CCDC91: variants seen among roughly 807,000 people sequenced by gnomAD.
The protein encoded by CCDC91 is coiled-coil domain containing 91, also known as coiled-coil domain-containing protein 91.
Under a neutral mutation model 63.2 loss-of-function variants are expected in CCDC91, and 48 were observed. The observed-to-expected ratio is 0.76, with a 90% confidence interval of 0.60 to 0.97. CCDC91 has a LOEUF of 0.97. CCDC91 is among the 50% of genes least tolerant of loss of function. CCDC91 has a pLI of 0.00. For synonymous variants in CCDC91, 167 were observed against 165.8 expected, an observed-to-expected ratio of 1.01 and a Z score of -0.06; for missense variants, 500 against 494.6, an observed-to-expected ratio of 1.01 and a Z score of -0.10.
chr12:28,368,549 G>C (rs1944416438), intron 7 of CCDC91, among the ~76,000 whole-genome samples: 1 of 152,090 alleles, frequency 6.6e-6, no homozygotes, highest in Admixed American at 6.5e-5. Context: ...ATGTGGGGTG[G>C]TGAAATCTCT....
At chr12:28,469,031 A>G (rs1476598813) in intron 11 of CCDC91, among the ~76,000 whole-genome samples, 1 of 152,116 alleles carries the variant, frequency 6.6e-6, no homozygotes, top group African/African-American at 2.4e-5. Flanking sequence ...CTGGAACACA[A>G]CAGGGATGCC....
intron 1 of CCDC91, among the ~76,000 whole-genome samples, chr12:28,241,982 C>T (rs117611875): frequency 0.037 from 4,804 of 128,142 alleles, 123 homozygotes; most frequent in Non-Finnish European, 0.053. Context: ...GGCGACAGAC[C>T]GAGACTCCTT....
intron 12 of CCDC91, among the ~76,000 whole-genome samples, chr12:28,537,850 C>G (rs909549244): frequency 2.4e-4 from 37 of 152,108 alleles, no homozygotes; most frequent in Admixed American, 6.6e-5. Context: ...TGATTTCGCC[C>G]AATAACTGCC....
intron 11 of CCDC91, among the ~76,000 whole-genome samples, chr12:28,470,626 C>T (rs1767997000): frequency 6.6e-6 from 1 of 152,128 alleles, no homozygotes; most frequent in Admixed American, 6.6e-5. Context: ...CAGTGAAATA[C>T]TTGCACTCCT....
In CCDC91 at chr12:28,363,876, GAAAAAAAAAAAAAA is replaced by G. The variant is rs34997286; in HGVS notation, c.654+1370_654+1383del. ...TGGGCAACAGAGCAAGGCTCCATCT[GAAAAAAAAAAAAAA>G]AAAAAAAAGAAAAAAGAAAAATCAT... On this transcript the variant is annotated intron_variant, in intron 7 of 12. Transcript: ENST00000536442. Among the ~76,000 whole-genome samples, 15 of 52,556 alleles carry G rather than the reference GAAAAAAAAAAAAAA, an allele frequency of 2.9e-4. No individual in the cohort carries two copies. In the South Asian group the frequency reaches 8.3e-3, roughly 29 times the overall value. The allele number at this position is 52,556 out of a possible 152,430, so 34.5% of individuals were successfully genotyped here.
At chr12:28,270,636 C>A (rs1947702782) in intron 3 of CCDC91, among the ~76,000 whole-genome samples, 1 of 152,104 alleles carries the variant, frequency 6.6e-6, no homozygotes, top group African/African-American at 2.4e-5. Context: ...AACATTTACT[C>A]AACTCATCAA....
At chr12:28,429,946 C>T (rs1172142488) in intron 8 of CCDC91, among the ~76,000 whole-genome samples, 1 of 151,912 alleles carries the variant, frequency 6.6e-6, no homozygotes, top group African/African-American at 2.4e-5. Flanking sequence ...ATTATTTTGA[C>T]CTTTTGTGAT....
intron 7 of CCDC91, among the ~76,000 whole-genome samples, chr12:28,388,983 C>T (rs1945775383): frequency 6.6e-6 from 1 of 152,070 alleles, no homozygotes; most frequent in Non-Finnish European, 1.5e-5. Flanking sequence ...AAAGCAAATG[C>T]AATAAAAACA....
chr12:28,231,812 A>C (rs1944619618), intron 1 of CCDC91, among the ~76,000 whole-genome samples: 1 of 152,160 alleles, frequency 6.6e-6, no homozygotes, highest in African/African-American at 2.4e-5. Flanking sequence ...GAGATATCAC[A>C]TATAATTTGA....
chr12:28,230,815 G>A (rs1042811321), intron 1 of CCDC91, among the ~76,000 whole-genome samples: 1 of 151,954 alleles, frequency 6.6e-6, no homozygotes, highest in African/African-American at 2.4e-5. Flanking sequence ...TGTAGTGATG[G>A]GGTTTCACCA....
At position 28,298,727 on chromosome 12, in the gene CCDC91, T is replaced by TA. The variant is rs138233289; in HGVS notation, c.110-6912dup. On this transcript the variant is annotated intron_variant, in intron 3 of 12. Transcript: ENST00000536442. ...TTATGTTAGCATTTCCTTGATTTTG[T>TA]AAAAAAAAAACAACAACAACAACAA... Among the ~76,000 whole-genome samples the TA allele has an allele frequency of 6.6e-4, 96 of 145,532 alleles. 2 individuals carry two copies. The highest frequency in any genetic ancestry group is 1.4e-3 in the East Asian group (7 of 5,036).
At chr12:28,358,463 G>A (rs1189436575) in intron 6 of CCDC91, among the ~76,000 whole-genome samples, 2 of 152,146 alleles carry the variant, frequency 1.3e-5, no homozygotes, top group Non-Finnish European at 2.9e-5. Flanking sequence ...AGTGCTTATT[G>A]ACTGAGCTGA....
chr12:28,526,066 G>A (rs1941230799), intron 12 of CCDC91, among the ~76,000 whole-genome samples: 1 of 151,586 alleles, frequency 6.6e-6, no homozygotes, highest in South Asian at 2.1e-4. Flanking sequence ...TATCTTTTAA[G>A]TGGAGCATTT....
intron 1 of CCDC91, among the ~76,000 whole-genome samples, chr12:28,232,562 A>C (rs911250082): frequency 1.6e-4 from 24 of 152,132 alleles, no homozygotes; most frequent in African/African-American, 5.8e-4. Flanking sequence ...TGTTGAATTA[A>C]ATTAGATTGA....
chr12:28,407,513 T>C (rs550085770), intron 8 of CCDC91, among the ~76,000 whole-genome samples: 1 of 152,352 alleles, frequency 6.6e-6, no homozygotes, highest in African/African-American at 2.4e-5. Context: ...TTAGGTTCTT[T>C]GCATTTCCAC....
At chr12:28,256,607 A>G (rs535810456) in intron 1 of CCDC91, 3 of 152,284 alleles carry the variant, frequency 2.0e-5, no homozygotes, top group Non-Finnish European at 4.4e-5. Context: ...CTCATCTCCC[A>G]TGAATACATG....
rs868380288 is a variant in CCDC91, at chr12:28,473,974, T to G, written c.1102-10078T>G. Reference sequence around the variant, plus strand: ...TTTTAGTTGTAGTGTGCATGTGTGTTTGTGTGTGTGTGTGTGTGTGTGCAC... The same window carrying G: ...TTTTAGTTGTAGTGTGCATGTGTGTGTGTGTGTGTGTGTGTGTGTGTGCAC... On this transcript the variant is annotated intron_variant, in intron 11 of 12. Coordinates refer to ENST00000536442, the MANE Select transcript of CCDC91 (RefSeq NM_018318.5). Among the ~76,000 whole-genome samples, 142 of 149,696 alleles carry G rather than the reference T, an allele frequency of 9.5e-4. 1 individual carries two copies. Among genetic ancestry groups the G allele is most frequent in the Non-Finnish European group, 1.9e-3 (126 of 67,146 alleles).
At chr12:28,327,813 G>A (rs1363967757) in intron 6 of CCDC91, among the ~76,000 whole-genome samples, 1 of 152,062 alleles carries the variant, frequency 6.6e-6, no homozygotes, top group Non-Finnish European at 1.5e-5. Context: ...TTATAATGAA[G>A]TCTGAAGTTC....
At chr12:28,486,126 G>A (rs1430535149) in intron 12 of CCDC91, among the ~76,000 whole-genome samples, 2 of 151,966 alleles carry the variant, frequency 1.3e-5, no homozygotes, top group African/African-American at 4.8e-5. Context: ...CCATTGTTTG[G>A]GTATTTCCTG....
Sources: gnomAD v4.1 joint callset for allele counts (sites outside exome capture counted in the v4.1 genomes callset) on GRCh38, gnomAD v4.1.1 for gene constraint, MANE v1.5 for transcripts, NCBI Gene and HGNC (gene_info 2026-07-23, HGNC 2026-07-21) for gene names.